Variants in DLG1 observed in about 807,000 individuals in gnomAD.
DLG1 encodes disks large homolog 1.
DLG1 carries 42 observed loss-of-function variants against 123.4 expected under a neutral mutation model. The observed-to-expected ratio is 0.34, with a 90% CI of 0.27 to 0.44. The LOEUF is 0.44. Ranked by LOEUF, DLG1 falls within the 20% of genes least tolerant of loss-of-function variation. The pLI is 1.00. For missense variants in DLG1, 942 were observed against 1,082.6 expected, an observed-to-expected ratio of 0.87 and a Z score of 1.82; for synonymous variants, 317 against 356.2, an observed-to-expected ratio of 0.89 and a Z score of 1.24.
At chr3:197,131,273 G>C (rs898137534) in intron 10 of DLG1, among the ~76,000 whole-genome samples, 1 of 152,124 alleles carries the variant, frequency 6.6e-6, no homozygotes, top group African/African-American at 2.4e-5. Flanking sequence ...GAATATGAGA[G>C]TGCCCATCTA....
intron 6 of DLG1, among the ~76,000 whole-genome samples, chr3:197,147,174 C>T (rs568550842): frequency 3.7e-4 from 57 of 152,046 alleles, no homozygotes; most frequent in Non-Finnish European, 7.4e-4. Flanking sequence ...AAAAGGAACA[C>T]TTTTACACTG....
At chr3:197,144,711 T>C (rs1204975101) in intron 6 of DLG1, among the ~76,000 whole-genome samples, 1 of 152,230 alleles carries the variant, frequency 6.6e-6, no homozygotes, top group African/African-American at 2.4e-5. Flanking sequence ...ACTACCCTTT[T>C]GGGTTCTTAA....
intron 4 of DLG1, among the ~76,000 whole-genome samples, chr3:197,256,389 T>C (rs903784457): frequency 6.6e-6 from 1 of 152,268 alleles, no homozygotes; most frequent in African/African-American, 2.4e-5. Flanking sequence ...GGAAGAACTA[T>C]AATAGCCTTT....
intron 14 of DLG1, among the ~76,000 whole-genome samples, chr3:197,097,580 CTTTT>C (rs3051908): frequency 4.9e-5 from 6 of 122,856 alleles, no homozygotes; most frequent in Admixed American, 8.9e-5. Flanking sequence ...TTTGTACTTT[CTTTT>C]TTTTTTTTTT....
At chr3:197,045,594 A>T (rs1308887252) in intron 24 of DLG1, among the ~76,000 whole-genome samples, 1 of 145,588 alleles carries the variant, frequency 6.9e-6, no homozygotes, top group Non-Finnish European at 1.5e-5. Context: ...AAAAAAAAAT[A>T]GCTGGGCATG....
chr3:197,225,102 A>G (rs1433334804), intron 4 of DLG1, among the ~76,000 whole-genome samples: 2 of 152,056 alleles, frequency 1.3e-5, no homozygotes, highest in African/African-American at 4.8e-5. Flanking sequence ...GACTACAGGC[A>G]CCCGCCACCG....
At chr3:197,271,822 T>C (rs1342304222) in intron 4 of DLG1, among the ~76,000 whole-genome samples, 3 of 152,212 alleles carry the variant, frequency 2.0e-5, no homozygotes, top group Non-Finnish European at 4.4e-5. Context: ...GCATGATGTC[T>C]ACGACTGATT....
chr3:197,138,790 C>T (rs1382469140), intron 8 of DLG1, among the ~76,000 whole-genome samples: 1 of 152,088 alleles, frequency 6.6e-6, no homozygotes, highest in African/African-American at 2.4e-5. Context: ...CACCTGTAAG[C>T]TTAATATATA....
intron 4 of DLG1, chr3:197,225,762 GTCAA>G (rs958424683): frequency 6.6e-6 from 1 of 152,594 alleles, no homozygotes; most frequent in African/African-American, 2.4e-5. Flanking sequence ...ATGAATTAAA[GTCAA>G]TCAAACCATC....
intron 4 of DLG1, among the ~76,000 whole-genome samples, chr3:197,261,756 T>C (rs1373875023): frequency 6.6e-6 from 1 of 152,096 alleles, no homozygotes; most frequent in African/African-American, 2.4e-5. Context: ...TCAATGTTGT[T>C]ATTACTATTA....
chr3:197,285,842 T>C (rs1771573488), intron 3 of DLG1, among the ~76,000 whole-genome samples: 1 of 152,308 alleles, frequency 6.6e-6, no homozygotes, highest in South Asian at 2.1e-4. Context: ...TACATACTCA[T>C]ACTATATATG....
chr3:197,118,939 G>A (rs1357552071), intron 12 of DLG1, among the ~76,000 whole-genome samples: 2 of 152,060 alleles, frequency 1.3e-5, no homozygotes, highest in East Asian at 3.9e-4. Flanking sequence ...AGGAGTTGGA[G>A]GCTGCAGTGA....
At chr3:197,290,990 G>A (rs1579483606) in intron 3 of DLG1, among the ~76,000 whole-genome samples, 3 of 151,308 alleles carry the variant, frequency 2.0e-5, no homozygotes, top group African/African-American at 7.3e-5. Flanking sequence ...GACAACTAAC[G>A]GTAATATCTG....
intron 1 of DLG1, 111 bp downstream of exon 1, chr3:197,298,425 T>C (rs1778548067): frequency 5.0e-6 from 2 of 398,526 alleles, no homozygotes; most frequent in Admixed American, 4.4e-5. Flanking sequence ...TACCTTGCCC[T>C]AGCCCACCGG....
chr3:197,065,728 T>C lies in DLG1; in HGVS notation c.2180A>G (p.Lys727Arg). 6.2e-7 allele frequency: 1 copy of C among 1,611,000 alleles called. No individual in the cohort carries two copies. The highest frequency in any genetic ancestry group is 1.1e-5 in the South Asian group (1 of 90,722). ...NDDLISEFPD[K>R]FGSCVPHTTR... ...CTTACGAGGAACACAGGATCCAAAT[T>C]TGTCAGGAAATTCTGAGATCAAGTC... The change falls in exon 21 of 25, where the codon AAA becomes AGA. Residue 727 changes from lysine to arginine, a missense_variant. Physicochemically the swap from Lys to Arg is conservative, Grantham distance 26. Transcript: ENST00000667157.
intron 24 of DLG1, among the ~76,000 whole-genome samples, chr3:197,045,439 G>A (rs943895555): frequency 6.6e-6 from 1 of 152,028 alleles, no homozygotes; most frequent in African/African-American, 2.4e-5. Flanking sequence ...AACTTTTTAA[G>A]AAAGAAAGAA....
At chr3:197,054,754 C>T (rs1730473044) in intron 23 of DLG1, among the ~76,000 whole-genome samples, 1 of 152,084 alleles carries the variant, frequency 6.6e-6, no homozygotes, top group Admixed American at 6.5e-5. Flanking sequence ...AAGAGATCCT[C>T]CCACCTCAGC....
intron 7 of DLG1, among the ~76,000 whole-genome samples, chr3:197,140,888 T>C (rs1423845140): frequency 6.6e-6 from 1 of 152,192 alleles, no homozygotes; most frequent in African/African-American, 2.4e-5. Flanking sequence ...AACTTAACAT[T>C]GGTGAATTTT....
intron 4 of DLG1, among the ~76,000 whole-genome samples, chr3:197,208,113 GAA>G (rs58523246): frequency 7.2e-6 from 1 of 139,610 alleles, no homozygotes; most frequent in African/African-American, 2.5e-5. Context: ...ACAATTTAGA[GAA>G]AAAAAAAAAT....
Sources: gnomAD v4.1 joint callset for allele counts (sites outside exome capture counted in the v4.1 genomes callset) on GRCh38, gnomAD v4.1.1 for gene constraint, MANE v1.5 for transcripts, NCBI Gene and HGNC (gene_info 2026-07-23, HGNC 2026-07-21) for gene names.